The following ARMH1 variants were observed in gnomAD, a reference collection of about 807,000 sequenced individuals.
ARMH1 encodes armadillo-like helical domain containing protein 1.
A neutral mutation model predicts 50.2 loss-of-function variants in ARMH1; 34 were observed. The observed-to-expected ratio is 0.68, with a 90% CI of 0.51 to 0.90. ARMH1 has a LOEUF of 0.90. ARMH1 is among the 40% of genes least tolerant of loss of function. ARMH1 has a pLI of 0.00. For synonymous variants in ARMH1, 221 were observed against 224.2 expected (o/e 0.99, Z 0.13); for missense variants, 538 against 553.9 (o/e 0.97, Z 0.29).
chr1:44,721,499 A>G (rs1021511444), intron 6 of ARMH1, among the ~76,000 whole-genome samples: 1 of 151,206 alleles, frequency 6.6e-6, no homozygotes, highest in Non-Finnish European at 1.5e-5. Context: ...ACTGTCAAAA[A>G]CTAGGTTTTC....
chr1:44,708,956 C>G (rs1469713368), intron 6 of ARMH1, among the ~76,000 whole-genome samples: 1 of 152,096 alleles, frequency 6.6e-6, no homozygotes, highest in Non-Finnish European at 1.5e-5. Context: ...TCTCTATCTT[C>G]CATTGTTAAA....
chr1:44,680,225 G>A (rs1645263475), intron 1 of ARMH1, among the ~76,000 whole-genome samples: 1 of 152,192 alleles, frequency 6.6e-6, no homozygotes, highest in Non-Finnish European at 1.5e-5. Context: ...CACCCAGGCT[G>A]GAGTTCAGTG....
At chr1:44,715,230 T>C (rs74490328) in intron 6 of ARMH1, among the ~76,000 whole-genome samples, 2,151 of 152,320 alleles carry the variant, frequency 0.014, 35 homozygotes, top group Admixed American at 0.045. Flanking sequence ...CAAAGAATTA[T>C]AAATGATCAG....
chr1:44,710,370 G>T (rs1242991464), intron 6 of ARMH1, among the ~76,000 whole-genome samples: 1 of 152,054 alleles, frequency 6.6e-6, no homozygotes, highest in Non-Finnish European at 1.5e-5. Context: ...AGCACTTTGG[G>T]AGGCCAAGGC....
intron 6 of ARMH1, among the ~76,000 whole-genome samples, chr1:44,715,718 C>G (rs1381738276): frequency 6.6e-6 from 1 of 152,192 alleles, no homozygotes; most frequent in African/African-American, 2.4e-5. Flanking sequence ...CACCATCACA[C>G]CTGGCTAATT....
intron 6 of ARMH1, among the ~76,000 whole-genome samples, chr1:44,722,768 T>C (rs1647512728): frequency 6.7e-6 from 1 of 150,202 alleles, no homozygotes; most frequent in Non-Finnish European, 1.5e-5. Flanking sequence ...TAGCATTTAC[T>C]GGCTGGGCCC....
chr1:44,705,039 G>A (rs556991686), intron 6 of ARMH1, among the ~76,000 whole-genome samples: 67 of 148,662 alleles, frequency 4.5e-4, no homozygotes, highest in African/African-American at 1.4e-3. Flanking sequence ...GTTTCGCTGC[G>A]TTAGCCAGGA....
chr1:44,681,453 T>G lies in ARMH1; in HGVS notation c.-23+6580T>G, dbSNP rs1190671638. Among the ~76,000 whole-genome samples, 1 of 151,932 alleles carries G rather than the reference T, an allele frequency of 6.6e-6. No individual in the cohort carries two copies. Among genetic ancestry groups the G allele is most frequent in the African/African-American group, 2.4e-5 (1 of 41,378 alleles). ...ACGGTGCTGTGCACTCCAGCCTGAGTGACAAGAGTGAGCCCCTATCTCGAA... is the reference window on the plus strand; with the variant it reads ...ACGGTGCTGTGCACTCCAGCCTGAGGGACAAGAGTGAGCCCCTATCTCGAA... On this transcript the variant is annotated intron_variant, in intron 1 of 11. Transcript: ENST00000535358. The surrounding 1 kb of genome is among the most constrained non-coding windows in gnomAD (Gnocchi z 4.3).
At chr1:44,693,284 A>C (rs539676631) in intron 2 of ARMH1, among the ~76,000 whole-genome samples, 1 of 152,300 alleles carries the variant, frequency 6.6e-6, no homozygotes, top group African/African-American at 2.4e-5. Flanking sequence ...CCAAGTCCCT[A>C]GCTTTGTGGC....
intron 6 of ARMH1, among the ~76,000 whole-genome samples, chr1:44,718,316 C>A (rs558717393): frequency 6.6e-6 from 1 of 152,130 alleles, no homozygotes; most frequent in Non-Finnish European, 1.5e-5. Flanking sequence ...GTGCTGCAGG[C>A]GACAAAGCCA....
chr1:44,725,380 G>C lies in ARMH1; in HGVS notation c.1300G>C (p.Glu434Gln). Residue 434 changes from glutamate to glutamine, a missense_variant, in exon 12 of 12, where the codon GAG (glutamate) becomes CAG (glutamine). By Grantham distance (29) the Glu-to-Gln change is conservative. Coordinates refer to ENST00000535358, the MANE Select transcript of ARMH1 (RefSeq NM_001145636.2). ...GATGGCCTACCTCACACACTTCGAG[G>C]AGGATGTAGAATCAAAGGAGTAACA... ...AQMAYLTHFE[E>Q]DVESKE is the part of the protein sequence containing the mutation. The C allele has an allele frequency of 6.4e-7, 1 of 1,551,806 alleles. No individual in the cohort carries two copies. Among genetic ancestry groups the C allele is most frequent in the Non-Finnish European group, 8.7e-7 (1 of 1,147,024 alleles).
chr1:44,693,455 T>A (rs1282241711), intron 2 of ARMH1, among the ~76,000 whole-genome samples: 1 of 152,182 alleles, frequency 6.6e-6, no homozygotes, highest in African/African-American at 2.4e-5. Flanking sequence ...TTGTTGTTGT[T>A]GTTGTCTGAG....
intron 6 of ARMH1, among the ~76,000 whole-genome samples, chr1:44,715,739 T>C (rs1420564895): frequency 6.6e-6 from 1 of 152,192 alleles, no homozygotes; most frequent in Non-Finnish European, 1.5e-5. Context: ...TTTGTATTTT[T>C]AGTAAAGACA....
chr1:44,682,690 C>A lies in ARMH1; in HGVS notation c.-22-6986C>A, dbSNP rs776982651. ...CCTGTAATCCCAGTACTTTGGGAGG[C>A]CGAGGCAGGAGGATTGCTTGAGCCC... On this transcript the variant is annotated intron_variant, in intron 1 of 11. Transcript: ENST00000535358. This position sits in a 1 kb window ranked among gnomAD's most constrained non-coding sequence, Gnocchi z 4.5. Among the ~76,000 whole-genome samples the A allele has an allele frequency of 2.0e-5, 3 of 152,156 alleles. No individual in the cohort carries two copies. Among genetic ancestry groups the A allele is most frequent in the Non-Finnish European group, 4.4e-5 (3 of 68,016 alleles).
chr1:44,699,283 C>CAA (rs75158327), intron 4 of ARMH1, among the ~76,000 whole-genome samples: 971 of 42,372 alleles, frequency 0.023, 29 homozygotes, highest in East Asian at 0.11. Flanking sequence ...GACTCCGTCT[C>CAA]AAAAAAAAAA....
rs1197240780 is a variant in ARMH1, at chr1:44,721,410, GCA to G, written c.725-2707_725-2706del. 4.6e-5 allele frequency among the ~76,000 whole-genome samples: 7 copies of G among 152,152 alleles called. No individual in the cohort carries two copies. In the East Asian group the frequency reaches 1.4e-3, roughly 29 times the overall value. On this transcript the variant is annotated intron_variant, in intron 6 of 11. Coordinates refer to ENST00000535358, the MANE Select transcript of ARMH1 (RefSeq NM_001145636.2). ...CCAGTCCAAAGTATAAGATAATCAT[GCA>G]CACAAAGTCATCACTATAAATTGGA...
intron 1 of ARMH1, among the ~76,000 whole-genome samples, chr1:44,687,929 G>A (rs1484837579): frequency 6.6e-6 from 1 of 152,156 alleles, no homozygotes; most frequent in Non-Finnish European, 1.5e-5. Flanking sequence ...ATCTCTAATG[G>A]CACATTGAGT....
At chr1:44,705,070 C>T (rs11211023) in intron 6 of ARMH1, among the ~76,000 whole-genome samples, 58,194 of 148,094 alleles carry the variant, frequency 0.39, 11,833 homozygotes, top group East Asian at 0.77. Context: ...CTCCTGACCT[C>T]GTGATCCACC....
In ARMH1 at chr1:44,683,842, A is replaced by T. The variant is rs1033274571; in HGVS notation, c.-22-5834A>T. Among the ~76,000 whole-genome samples, 19 of 152,268 alleles carry T rather than the reference A, an allele frequency of 1.2e-4. No homozygotes were observed. Among genetic ancestry groups the T allele is most frequent in the Admixed American group, 1.1e-3 (17 of 15,298 alleles). On this transcript the variant is annotated intron_variant, in intron 1 of 11. Coordinates refer to ENST00000535358, the MANE Select transcript of ARMH1 (RefSeq NM_001145636.2). The surrounding 1 kb of genome is among the most constrained non-coding windows in gnomAD (Gnocchi z 4.2). ...TGTGGATAATGATGACCTCCTGAGG[A>T]TCTTAAGAGGATTAAAACAAAGAAT...
Sources: allele counts gnomAD v4.1 joint callset (sites outside exome capture counted in the v4.1 genomes callset), GRCh38; gene constraint gnomAD v4.1.1; non-coding constraint Gnocchi (gnomAD v3.1); transcripts MANE v1.5; gene names NCBI Gene and HGNC (gene_info 2026-07-23, HGNC 2026-07-21).